The following IGLL5 variants were observed in gnomAD, a reference collection of about 807,000 sequenced individuals.
IGLL5 encodes the protein immunoglobulin lambda like polypeptide 5, also known as immunoglobulin lambda-like polypeptide 5.
IGLL5 carries 30 observed loss-of-function variants against 20.9 expected under a neutral mutation model. The observed-to-expected ratio is 1.44, with a 90% CI of 1.07 to 1.95. The LOEUF (loss-of-function observed/expected upper bound fraction) is 1.95, where lower values mean the gene tolerates loss of function less well. Among genes scored for constraint, IGLL5 ranks in the 30% most tolerant of loss-of-function variants. The probability of loss-of-function intolerance (pLI) is 0.00; values close to 1 mark genes in which losing one functional copy is unlikely to be tolerated. For missense variants in IGLL5, 475 were observed against 270.7 expected (o/e 1.75, Z -5.30); for synonymous variants, 203 against 117.3 (o/e 1.73, Z -4.72).
rs538407520 is a variant in IGLL5 at position 22,888,916 on chromosome 22, T to C, written c.206+657T>C. Among the ~76,000 whole-genome samples, 5 of 151,270 alleles carry C rather than the reference T, an allele frequency of 3.3e-5. No individual in the cohort carries two copies. The East Asian group carries it at 6.1e-4, about 18-fold the overall frequency. On this transcript the variant is annotated intron_variant, in intron 1 of 2. Coordinates refer to ENST00000526893, the MANE Select transcript of IGLL5 (RefSeq NM_001178126.2). The stretch of plus-strand genomic sequence containing the variant: ...GCTGGTCTCACAGATCGAGGGGCAC[T>C]GGCTGGTGATGGGTGCCCCCAAAAG...
rs182220946 is a variant in IGLL5 at position 22,888,698 on chromosome 22, G to A, written c.206+439G>A. On this transcript the variant is annotated intron_variant, in intron 1 of 2. Coordinates refer to ENST00000526893, the MANE Select transcript of IGLL5 (RefSeq NM_001178126.2). ...CAGGGGCCACTCCCTGGAGAAGGCA[G>A]CAAGGGCTTGGTTTGGTCTCCCCCA... Among the ~76,000 whole-genome samples the A allele has an allele frequency of 1.7e-4, 25 of 151,160 alleles. 1 individual carries two copies. Among genetic ancestry groups the A allele is most frequent in the East Asian group, 1.4e-3 (7 of 4,898 alleles).
rs382768 is a variant in IGLL5 at position 22,888,120 on chromosome 22, C to T, written c.67C>T (p.Arg23Cys). The stretch of plus-strand genomic sequence containing the variant: ...GGAGCTGGGCCCTGGTCCCAGGCAG[C>T]GCTGGCCCCTGCTGCTGCTGGGTCT... ...PEELGPGPRQ[R>C]WPLLLLGLAM... Residue 23 changes from arginine (R) to cysteine (C), a missense_variant, in exon 1 of 3, where the codon CGC (arginine) becomes TGC (cysteine). Physicochemically the swap from Arg to Cys is radical, Grantham distance 180. Transcript: ENST00000526893. The T allele has an allele frequency of 0.056, 87,116 of 1,549,416 alleles. 3,589 individuals are homozygous for T. The highest frequency in any genetic ancestry group is 0.2 in the African/African-American group (14,600 of 72,854).
At chr22:22,893,162 T>C (rs2067900955) in intron 1 of IGLL5, among the ~76,000 whole-genome samples, 1 of 150,922 alleles carries the variant, frequency 6.6e-6, no homozygotes, top group Non-Finnish European at 1.5e-5. Flanking sequence ...GATGATAGAT[T>C]GATGGACAAA....
chr22:22,894,824 T>G, intron 2 of IGLL5, among the ~76,000 whole-genome samples: 1 of 151,266 alleles, frequency 6.6e-6, no homozygotes, highest in South Asian at 2.1e-4. Flanking sequence ...GCCCACTCCT[T>G]GCCAGGAGAG....
intron 1 of IGLL5, among the ~76,000 whole-genome samples, chr22:22,888,512 GGTCA>G (rs2067608576): frequency 6.6e-6 from 1 of 151,198 alleles, no homozygotes. Context: ...TTTTCACCAG[GGTCA>G]GTGCCTCAAT....
rs2066757992 is a variant in IGLL5 at position 22,895,937 on chromosome 22, G to C, written c.*243G>C. ...TGCACCCAGTGTGAAAATCACCCAA[G>C]GGAGGAGGCTCACAGCCTCCCTGAG... On this transcript the variant is annotated 3_prime_UTR_variant, in exon 3 of 3. Transcript: ENST00000526893. 1.7e-6 allele frequency: 1 copy of C among 594,180 alleles called. No homozygotes were observed. Among genetic ancestry groups the C allele is most frequent in the South Asian group, 2.0e-5 (1 of 49,632 alleles). The allele number at this position is 594,180 out of a possible 1,614,324, so 36.8% of individuals were successfully genotyped here. A position where few individuals can be genotyped will look rare whatever the true frequency, so the allele number is the denominator to read the frequency against.
Position 22,888,128 on chromosome 22 carries a change from C to CCTG in IGLL5, c.85_87dup (p.Leu29dup). The CCTG allele has an allele frequency of 1.3e-6, 2 of 1,549,556 alleles. No individual in the cohort carries two copies. Among genetic ancestry groups the CCTG allele is most frequent in the Non-Finnish European group, 1.7e-6 (2 of 1,146,694 alleles). On this transcript the variant is annotated inframe_insertion, in exon 1 of 3. Transcript: ENST00000526893. Reference sequence around the variant, plus strand: ...GCCCTGGTCCCAGGCAGCGCTGGCCCCTGCTGCTGCTGGGTCTGGCCATGG... The same window carrying CCTG: ...GCCCTGGTCCCAGGCAGCGCTGGCCCCTGCTGCTGCTGCTGGGTCTGGCCATGG...
chr22:22,894,324 A>C (rs2068016585), intron 2 of IGLL5, among the ~76,000 whole-genome samples: 2 of 151,376 alleles, frequency 1.3e-5, no homozygotes, highest in South Asian at 2.1e-4. Context: ...CCCCAAGGGG[A>C]GACCAATGGA....
chr22:22,889,441 A>C (rs943070216), intron 1 of IGLL5, among the ~76,000 whole-genome samples: 2 of 151,298 alleles, frequency 1.3e-5, no homozygotes, highest in Admixed American at 1.3e-4. Context: ...AATTTATCCT[A>C]AGGGTTGGTT....
chr22:22,889,481 T>C (rs1739840472), intron 1 of IGLL5, among the ~76,000 whole-genome samples: 1 of 151,374 alleles, frequency 6.6e-6, no homozygotes, highest in African/African-American at 2.4e-5. Context: ...TAACCAAATC[T>C]TTATAACAAG....
intron 1 of IGLL5, among the ~76,000 whole-genome samples, chr22:22,888,916 T>A (rs538407520): frequency 6.6e-6 from 1 of 151,270 alleles, no homozygotes; most frequent in South Asian, 2.1e-4. Flanking sequence ...CGAGGGGCAC[T>A]GGCTGGTGAT....
chr22:22,889,395 G>A lies in IGLL5; in HGVS notation c.206+1136G>A, dbSNP rs6003370. Among the ~76,000 whole-genome samples the A allele has an allele frequency of 2.0e-5, 3 of 151,256 alleles. 1 individual carries two copies. The highest frequency in any genetic ancestry group is 7.3e-5 in the African/African-American group (3 of 41,254). On this transcript the variant is annotated intron_variant, in intron 1 of 2. Coordinates refer to ENST00000526893, the MANE Select transcript of IGLL5 (RefSeq NM_001178126.2). ...AACAGGCGGCGAGTCAAAAAACAAAGTGTGTTTATCTAAACTGGGCAATTC... is the reference window on the plus strand; with the variant it reads ...AACAGGCGGCGAGTCAAAAAACAAAATGTGTTTATCTAAACTGGGCAATTC...
At position 22,894,493 on chromosome 22, in the gene IGLL5, A is replaced by T. The variant is rs534301126; in HGVS notation, c.325+675A>T. Among the ~76,000 whole-genome samples the T allele has an allele frequency of 2.6e-5, 4 of 151,380 alleles. No individual in the cohort carries two copies. In the East Asian group the frequency reaches 6.1e-4, roughly 23 times the overall value. ...AAGGAGACAGTCTCTTAGGGCAGAG[A>T]TGTGTCTGTCCCTGGAGCCCCGTCA... On this transcript the variant is annotated intron_variant, in intron 2 of 2. Coordinates refer to ENST00000526893, the MANE Select transcript of IGLL5 (RefSeq NM_001178126.2).
At position 22,887,953 on chromosome 22, in the gene IGLL5, G is replaced by C. The variant is rs1278887039; in HGVS notation, c.-101G>C. 2.2e-6 allele frequency: 2 copies of C among 910,044 alleles called. No individual in the cohort carries two copies. Among genetic ancestry groups the C allele is most frequent in the African/African-American group, 1.7e-5 (1 of 60,498 alleles). 56.4% of individuals were successfully genotyped at this position (910,044 alleles called of 1,614,324 possible). A position where few individuals can be genotyped will look rare whatever the true frequency, so the allele number is the denominator to read the frequency against. ...GAGAGGACAGAGCCAATGGACTGGG[G>C]TGTACTGTAACAGCCCTGCTGGCGA... On this transcript the variant is annotated 5_prime_UTR_variant, in exon 1 of 3. Transcript: ENST00000526893.
At chr22:22,894,382 C>CTGGGTCTGCAACTCTGTGGCCTGTGG (rs2068024630) in intron 2 of IGLL5, among the ~76,000 whole-genome samples, 1 of 151,136 alleles carries the variant, frequency 6.6e-6, no homozygotes, top group African/African-American at 2.4e-5. Context: ...GTGGCCTGTG[C>CTGGGTCTGCAACTCTGTGGCCTGTGG]TGGGTCATGA....
At chr22:22,888,446 A>G (rs989900911) in intron 1 of IGLL5, among the ~76,000 whole-genome samples, 187 bp downstream of exon 1, 5 of 151,420 alleles carry the variant, frequency 3.3e-5, no homozygotes, top group South Asian at 2.1e-4. Context: ...ACTGTTTTTA[A>G]TATCATATTA....
Position 22,887,983 on chromosome 22 carries a change from G to C in IGLL5, c.-71G>C. 2 of 1,243,418 alleles carry C rather than the reference G, an allele frequency of 1.6e-6. No homozygotes were observed. The highest frequency in any genetic ancestry group is 1.3e-5 in the South Asian group (1 of 77,612). 77.0% of individuals were successfully genotyped at this position (1,243,418 alleles called of 1,614,324 possible). Reference sequence around the variant, plus strand: ...CTGTAACAGCCCTGCTGGCGAGAGGGACCAGGGCACCGTCCTCCAGGGAGC... The same window carrying C: ...CTGTAACAGCCCTGCTGGCGAGAGGCACCAGGGCACCGTCCTCCAGGGAGC... On this transcript the variant is annotated 5_prime_UTR_variant, in exon 1 of 3. Transcript: ENST00000526893.
chr22:22,894,470 G>A (rs964137893), intron 2 of IGLL5, among the ~76,000 whole-genome samples: 1 of 151,354 alleles, frequency 6.6e-6, no homozygotes, highest in Admixed American at 6.6e-5. Flanking sequence ...TCACCAGAAA[G>A]GAGACAGTCT....
intron 1 of IGLL5, among the ~76,000 whole-genome samples, chr22:22,889,947 T>A (rs1225019920): frequency 2.0e-5 from 3 of 151,304 alleles, no homozygotes; most frequent in South Asian, 2.1e-4. Context: ...TCAGAAAATA[T>A]AGAAAAATGT....
Sources: gnomAD v4.1 joint callset for allele counts (sites outside exome capture counted in the v4.1 genomes callset) on GRCh38, gnomAD v4.1.1 for gene constraint, MANE v1.5 for transcripts, NCBI Gene and HGNC (gene_info 2026-07-23, HGNC 2026-07-21) for gene names.